Variants in SLC2A13 observed in about 807,000 individuals in gnomAD.
SLC2A13 encodes proton myo-inositol cotransporter.
Under a neutral mutation model 64.4 loss-of-function variants are expected in SLC2A13, and 32 were observed. The ratio of observed to expected loss-of-function variants is 0.50; its 90% CI spans 0.37 to 0.67. The LOEUF (loss-of-function observed/expected upper bound fraction) is 0.67. Ranked by LOEUF, SLC2A13 falls within the 30% of genes least tolerant of loss-of-function variation. The probability of loss-of-function intolerance (pLI) is 0.00; values close to 1 mark genes in which losing one functional copy is unlikely to be tolerated. For synonymous variants in SLC2A13, 338 were observed against 327.1 expected (o/e 1.03, Z -0.36); for missense variants, 743 against 829.2 (o/e 0.90, Z 1.28).
intron 6 of SLC2A13, among the ~76,000 whole-genome samples, chr12:39,836,530 GA>G (rs1422735535): frequency 4.0e-5 from 6 of 151,452 alleles, no homozygotes; most frequent in Non-Finnish European, 7.4e-5. Context: ...ATTCAATTAG[GA>G]AAAGAGGAAG....
In SLC2A13 at chr12:39,921,880, T is replaced by C. The variant is rs1030607411; in HGVS notation, c.1034+29377A>G. ...TTCAGTATGGTAAACCCACTTAATG[T>C]AAATATGGAAATAAATATTGCATAT... On this transcript the variant is annotated intron_variant, in intron 4 of 9. Coordinates refer to ENST00000280871, the MANE Select transcript of SLC2A13 (RefSeq NM_052885.4). Among the ~76,000 whole-genome samples the C allele has an allele frequency of 3.9e-5, 6 of 152,072 alleles. 1 individual carries two copies. Among genetic ancestry groups the C allele is most frequent in the South Asian group, 4.1e-4 (2 of 4,836 alleles).
intron 1 of SLC2A13, chr12:40,068,456 C>A: frequency 4.1e-6 from 1 of 245,258 alleles, no homozygotes; most frequent in South Asian, 4.7e-5. Flanking sequence ...TGAGGATGAC[C>A]AATTTTGCTT....
chr12:39,820,227 C>G (rs1202928332), intron 7 of SLC2A13, among the ~76,000 whole-genome samples: 2 of 152,010 alleles, frequency 1.3e-5, no homozygotes, highest in Non-Finnish European at 2.9e-5. Flanking sequence ...AATAAACTTC[C>G]TAGATAAAAT....
At chr12:40,003,951 C>T (rs929093121) in intron 3 of SLC2A13, among the ~76,000 whole-genome samples, 1 of 151,554 alleles carries the variant, frequency 6.6e-6, no homozygotes, top group East Asian at 2.0e-4. Flanking sequence ...CGAGAGTGCG[C>T]CATTGCACTC....
At chr12:40,101,495 A>G (rs1394211555) in intron 1 of SLC2A13, among the ~76,000 whole-genome samples, 2 of 152,184 alleles carry the variant, frequency 1.3e-5, no homozygotes, top group Admixed American at 1.3e-4. Context: ...AATGATTGCT[A>G]ATACCCAAAA....
At chr12:40,001,007 A>G (rs1182681518) in intron 3 of SLC2A13, among the ~76,000 whole-genome samples, 1 of 152,230 alleles carries the variant, frequency 6.6e-6, no homozygotes, top group Non-Finnish European at 1.5e-5. Flanking sequence ...GTCCTCACCA[A>G]GAGGAGAAAT....
chr12:39,971,995 A>ATATATATATATATAT (rs1192990149), intron 3 of SLC2A13, among the ~76,000 whole-genome samples: 2 of 48,520 alleles, frequency 4.1e-5, no homozygotes, highest in African/African-American at 1.4e-4. Context: ...AAAAAAAAAA[A>ATATATATATATATAT]AAATATATAT....
intron 4 of SLC2A13, among the ~76,000 whole-genome samples, chr12:39,933,854 T>C (rs928772670): frequency 2.0e-5 from 3 of 152,178 alleles, no homozygotes; most frequent in African/African-American, 4.8e-5. Context: ...AAAAGTATCA[T>C]GCCATCTACA....
chr12:40,073,045 C>T (rs1938024291), intron 1 of SLC2A13, among the ~76,000 whole-genome samples: 1 of 151,936 alleles, frequency 6.6e-6, no homozygotes, highest in African/African-American at 2.4e-5. Flanking sequence ...TTTGTGCTGG[C>T]CCTAGAGTTT....
At chr12:39,972,861 A>G (rs1241476658) in intron 3 of SLC2A13, among the ~76,000 whole-genome samples, 1 of 152,148 alleles carries the variant, frequency 6.6e-6, no homozygotes, top group Non-Finnish European at 1.5e-5. Flanking sequence ...TGAGGTCGGG[A>G]GTTCGAGACC....
chr12:39,959,101 T>C (rs998300433), intron 3 of SLC2A13, among the ~76,000 whole-genome samples: 1 of 152,160 alleles, frequency 6.6e-6, no homozygotes, highest in South Asian at 2.1e-4. Context: ...TGAGAACTCA[T>C]GGATGAAGCA....
At chr12:39,930,190 GA>G (rs1945800928) in intron 4 of SLC2A13, among the ~76,000 whole-genome samples, 1 of 151,730 alleles carries the variant, frequency 6.6e-6, no homozygotes, top group Non-Finnish European at 1.5e-5. Flanking sequence ...TACTATAGGA[GA>G]GAGAGAAAAA....
intron 6 of SLC2A13, among the ~76,000 whole-genome samples, chr12:39,849,320 G>A (rs1943403294): frequency 6.6e-6 from 1 of 152,116 alleles, no homozygotes; most frequent in South Asian, 2.1e-4. Context: ...CGAGCACACT[G>A]GTTCCTCCAA....
chr12:39,889,382 T>C lies in SLC2A13; in HGVS notation c.1035-17421A>G, dbSNP rs141367504. On this transcript the variant is annotated intron_variant, in intron 4 of 9. Coordinates refer to ENST00000280871, the MANE Select transcript of SLC2A13 (RefSeq NM_052885.4). ...TCTTGCAATGAGAAACTTTAAGATA[T>C]ATTAGTATAAATATAGCCTTATACT... Among the ~76,000 whole-genome samples, 173 of 152,214 alleles carry C rather than the reference T, an allele frequency of 1.1e-3. 2 individuals carry two copies. The East Asian group carries it at 0.029, about 26-fold the overall frequency.
At position 40,105,163 on chromosome 12, in the gene SLC2A13, G is replaced by T; in HGVS notation, c.556+90C>A. ...TTCTCTGACCCTGGGAGACCAGACG[G>T]GGACCCCGATGGGCAAGAGGCACGC... On this transcript the variant is annotated intron_variant, in intron 1 of 9. Transcript: ENST00000280871. This position sits in a 1 kb window ranked among gnomAD's most constrained non-coding sequence, Gnocchi z 4.2. 1 of 1,422,412 alleles carries T rather than the reference G, an allele frequency of 7.0e-7. No homozygotes were observed. The highest frequency in any genetic ancestry group is 9.1e-7 in the Non-Finnish European group (1 of 1,094,518). 88.1% of individuals were successfully genotyped at this position (1,422,412 alleles called of 1,614,324 possible). A position where few individuals can be genotyped will look rare whatever the true frequency, so the allele number is the denominator to read the frequency against.
intron 4 of SLC2A13, among the ~76,000 whole-genome samples, chr12:39,912,247 CT>C (rs774422048): frequency 4.6e-5 from 7 of 152,040 alleles, no homozygotes; most frequent in Non-Finnish European, 1.0e-4. Flanking sequence ...TGATAATCAT[CT>C]GTGAAAACTC....
intron 7 of SLC2A13, among the ~76,000 whole-genome samples, chr12:39,796,624 T>A (rs1460758834): frequency 6.6e-6 from 1 of 152,058 alleles, no homozygotes; most frequent in Non-Finnish European, 1.5e-5. Context: ...TAGTCACTAC[T>A]GAAAAAGGAG....
At chr12:40,017,316 T>C (rs1482283) in intron 3 of SLC2A13, among the ~76,000 whole-genome samples, 96,186 of 152,064 alleles carry the variant, frequency 0.63, 30,639 homozygotes, top group Middle Eastern at 0.73. Flanking sequence ...CACAAAGGTT[T>C]CCAGGGAGTC....
chr12:39,979,842 G>A (rs1443533023), intron 3 of SLC2A13, among the ~76,000 whole-genome samples: 2 of 121,622 alleles, frequency 1.6e-5, no homozygotes, highest in African/African-American at 6.4e-5. Flanking sequence ...GATACTCCTC[G>A]AGAAGAGCAA....
Sources: allele counts gnomAD v4.1 joint callset (sites outside exome capture counted in the v4.1 genomes callset), GRCh38; gene constraint gnomAD v4.1.1; non-coding constraint Gnocchi (gnomAD v3.1); transcripts MANE v1.5; gene names NCBI Gene and HGNC (gene_info 2026-07-23, HGNC 2026-07-21).